Variants in NTRK3 observed in about 807,000 individuals in gnomAD.
The protein encoded by NTRK3 is neurotrophic receptor tyrosine kinase 3.
Under a neutral mutation model 91.7 loss-of-function variants are expected in NTRK3, and 24 were observed. The observed-to-expected ratio is 0.26, with a 90% CI of 0.19 to 0.37. NTRK3 has a LOEUF of 0.37. Among genes scored for constraint, NTRK3 ranks in the 10% least tolerant of loss-of-function variants. NTRK3 has a pLI of 1.00. For missense variants in NTRK3, 880 were observed against 1,068.9 expected, an observed-to-expected ratio of 0.82 and a Z score of 2.46; for synonymous variants, 483 against 404.0, an observed-to-expected ratio of 1.20 and a Z score of -2.34.
At chr15:88,182,154 A>C (rs565910690) in intron 5 of NTRK3, among the ~76,000 whole-genome samples, 1 of 152,262 alleles carries the variant, frequency 6.6e-6, no homozygotes, top group East Asian at 1.9e-4. Context: ...CTGGCCCTGA[A>C]CAGTGACCAC....
chr15:88,074,780 A>G (rs80226701), intron 13 of NTRK3, among the ~76,000 whole-genome samples: 3,241 of 152,292 alleles, frequency 0.021, 98 homozygotes, highest in African/African-American at 0.068. Context: ...TGGGATTCGA[A>G]TTGACAGACC....
At chr15:88,131,792 T>C (rs953843658) in intron 10 of NTRK3, among the ~76,000 whole-genome samples, 1 of 152,194 alleles carries the variant, frequency 6.6e-6, no homozygotes. Flanking sequence ...AGAAAGCACA[T>C]AAGCTTTGGA....
At chr15:88,045,830 G>C (rs1033746289) in intron 13 of NTRK3, among the ~76,000 whole-genome samples, 1 of 152,160 alleles carries the variant, frequency 6.6e-6, no homozygotes, top group Non-Finnish European at 1.5e-5. Context: ...CTTCCTCTTT[G>C]TGTGTGTCCA....
chr15:88,137,315 C>T lies in NTRK3; in HGVS notation c.622+89G>A, dbSNP rs1455749494. 13 of 1,508,162 alleles carry T rather than the reference C, an allele frequency of 8.6e-6. No individual in the cohort carries two copies. The East Asian group carries it at 1.4e-4, about 16-fold the overall frequency. The allele number at this position is 1,508,162 out of a possible 1,614,324, so 93.4% of individuals were successfully genotyped here. ...GGGAGGGCGTTTCGAAAGGAAGGCT[C>T]TGGCATCCCAAGGTAACGTCCAGCA... On this transcript the variant is annotated intron_variant, in intron 7 of 18. Transcript: ENST00000394480.
chr15:87,974,815 A>T (rs981183828), intron 14 of NTRK3, among the ~76,000 whole-genome samples: 1 of 152,170 alleles, frequency 6.6e-6, no homozygotes, highest in African/African-American at 2.4e-5. Context: ...TTCCAGAAGG[A>T]AGTCAGGGAT....
intron 13 of NTRK3, among the ~76,000 whole-genome samples, chr15:88,061,852 C>T (rs1385248786): frequency 1.3e-5 from 2 of 152,202 alleles, no homozygotes; most frequent in African/African-American, 4.8e-5. Flanking sequence ...GCCTCTTCCT[C>T]ATGCTGTGGC....
exon 19 of NTRK3, chr15:87,861,091 T>C: frequency 4.4e-6 from 1 of 226,740 alleles, no homozygotes; most frequent in Non-Finnish European, 8.8e-6. Flanking sequence ...ATGCCAAACA[T>C]ACCATTGTTC....
At chr15:87,935,566 C>CAGA (rs951091341) in intron 15 of NTRK3, among the ~76,000 whole-genome samples, 9 of 151,882 alleles carry the variant, frequency 5.9e-5, no homozygotes, top group African/African-American at 2.2e-4. Context: ...TATTTTCATG[C>CAGA]AGAAGAAGAA....
At chr15:88,128,848 T>C (rs1020873704) in intron 10 of NTRK3, 114 bp from the exon 11 acceptor site, 6 of 960,620 alleles carry the variant, frequency 6.2e-6, no homozygotes, top group Middle Eastern at 2.3e-4. Flanking sequence ...CCTGTTCTCA[T>C]GGCAACTGAC....
chr15:88,149,925 C>T (rs555052043), intron 5 of NTRK3, among the ~76,000 whole-genome samples: 1 of 152,350 alleles, frequency 6.6e-6, no homozygotes, highest in Non-Finnish European at 1.5e-5. Flanking sequence ...CTATGCACAA[C>T]AGCATCACGG....
chr15:87,898,113 T>A (rs1378034930), intron 17 of NTRK3, among the ~76,000 whole-genome samples: 1 of 152,222 alleles, frequency 6.6e-6, no homozygotes, highest in African/African-American at 2.4e-5. Context: ...AGATGCTAAT[T>A]TCTCAATGAT....
At chr15:88,010,350 T>C (rs1454243810) in intron 14 of NTRK3, among the ~76,000 whole-genome samples, 1 of 152,214 alleles carries the variant, frequency 6.6e-6, no homozygotes, top group Non-Finnish European at 1.5e-5. Context: ...ACTTCGGGTC[T>C]TCTCTACAAT....
At chr15:87,862,684 T>C in exon 19 of NTRK3, 1 of 229,456 alleles carries the variant, frequency 4.4e-6, no homozygotes. Flanking sequence ...TGTGACAACA[T>C]GTGCTTCTGC....
chr15:87,908,554 ATGGC>A (rs2066906295), intron 17 of NTRK3: 3 of 399,286 alleles, frequency 7.5e-6, no homozygotes, highest in Non-Finnish European at 1.3e-5. Flanking sequence ...CCCTTCTGGC[ATGGC>A]CCTTCCTGAC....
intron 5 of NTRK3, among the ~76,000 whole-genome samples, chr15:88,181,821 G>A (rs141300783): frequency 8.3e-4 from 126 of 152,340 alleles, no homozygotes; most frequent in African/African-American, 2.9e-3. Context: ...ATGACTGGTT[G>A]CCTCTTTGGA....
At chr15:88,098,362 G>A (rs1242643236) in intron 13 of NTRK3, among the ~76,000 whole-genome samples, 1 of 152,166 alleles carries the variant, frequency 6.6e-6, no homozygotes, top group Non-Finnish European at 1.5e-5. Context: ...ATCCAAATTG[G>A]CTGGACTACG....
chr15:87,945,468 A>T (rs1369632513), intron 14 of NTRK3, among the ~76,000 whole-genome samples: 1 of 152,206 alleles, frequency 6.6e-6, no homozygotes, highest in Admixed American at 6.5e-5. Flanking sequence ...AGCAAGCGTG[A>T]CCTAGAGCAG....
intron 13 of NTRK3, among the ~76,000 whole-genome samples, chr15:88,104,723 C>T (rs1302588337): frequency 2.0e-5 from 3 of 152,182 alleles, no homozygotes; most frequent in Non-Finnish European, 4.4e-5. Flanking sequence ...GTGTGCTGAG[C>T]TCAAGGAAAC....
chr15:87,885,695 T>C, intron 17 of NTRK3: 1 of 1,395,198 alleles, frequency 7.2e-7, no homozygotes, highest in African/African-American at 1.5e-5. Context: ...GATACCTACC[T>C]CACACCATAT....
Sources: gnomAD v4.1 joint callset for allele counts (sites outside exome capture counted in the v4.1 genomes callset) on GRCh38, gnomAD v4.1.1 for gene constraint, MANE v1.5 for transcripts, NCBI Gene and HGNC (gene_info 2026-07-23, HGNC 2026-07-21) for gene names.